The following NUMB variants were observed in gnomAD, a reference collection of about 807,000 sequenced individuals.
NUMB encodes NUMB endocytic adaptor protein.
NUMB carries 29 observed loss-of-function variants against 59.7 expected under a neutral mutation model. The ratio of observed to expected loss-of-function variants is 0.49; its 90% CI spans 0.36 to 0.66. The LOEUF (loss-of-function observed/expected upper bound fraction) is 0.66, where lower values mean the gene tolerates loss of function less well. NUMB is among the 30% of genes least tolerant of loss of function. The pLI is 0.00. For missense variants in NUMB, 723 were observed against 822.0 expected (o/e 0.88, Z 1.47); for synonymous variants, 288 against 288.2 (o/e 1.00, Z 0.01).
intron 1 of NUMB, among the ~76,000 whole-genome samples, chr14:73,437,808 A>G (rs1898121765): frequency 6.6e-6 from 1 of 152,222 alleles, no homozygotes; most frequent in Non-Finnish European, 1.5e-5. Context: ...TCATTTGTAC[A>G]GATTAAGTCA....
At position 73,284,373 on chromosome 14, in the gene NUMB, A is replaced by G. The variant is rs1271141977; in HGVS notation, c.657T>C (p.Ala219=). Residue 219 remains alanine, a splice_region_variant and synonymous_variant, in exon 10 of 13, where the codon GCT becomes GCC. Transcript: ENST00000555238. ...AACCAACGACTATCTTATCTGTTTC[A>G]GCTCAAGAAAATAAAGAGAATGAAG... ...IMKQMQDAKK[A]ETDKIVVGSS... The G allele has an allele frequency of 6.2e-7, 1 of 1,607,508 alleles. No individual in the cohort carries two copies. Among genetic ancestry groups the G allele is most frequent in the African/African-American group, 1.3e-5 (1 of 74,594 alleles).
At chr14:73,362,253 T>C (rs1364069990) in intron 3 of NUMB, among the ~76,000 whole-genome samples, 1 of 151,296 alleles carries the variant, frequency 6.6e-6, no homozygotes, top group Non-Finnish European at 1.5e-5. Flanking sequence ...TGATACCTTG[T>C]CTCAAAAAAA....
At chr14:73,312,417 A>G (rs376140614) in intron 6 of NUMB, among the ~76,000 whole-genome samples, 3 of 152,152 alleles carry the variant, frequency 2.0e-5, no homozygotes, top group East Asian at 1.9e-4. Context: ...CATACAACAC[A>G]TAAGCCATCG....
At chr14:73,387,622 C>A (rs1425133298) in intron 2 of NUMB, among the ~76,000 whole-genome samples, 1 of 151,528 alleles carries the variant, frequency 6.6e-6, no homozygotes, top group East Asian at 1.9e-4. Flanking sequence ...ATTAAAGAGA[C>A]CTCCGGTGAC....
intron 1 of NUMB, among the ~76,000 whole-genome samples, chr14:73,426,132 T>C (rs1389200349): frequency 6.6e-6 from 1 of 151,954 alleles, no homozygotes; most frequent in Admixed American, 6.6e-5. Flanking sequence ...GATGAGAAAA[T>C]GTGGCTTTGA....
chr14:73,333,607 T>C (rs1312558422), intron 4 of NUMB, among the ~76,000 whole-genome samples: 1 of 152,102 alleles, frequency 6.6e-6, no homozygotes, highest in Non-Finnish European at 1.5e-5. Context: ...GATATAAAGG[T>C]TCTTTATATA....
At chr14:73,291,929 C>T (rs1243399551) in intron 8 of NUMB, among the ~76,000 whole-genome samples, 2 of 152,166 alleles carry the variant, frequency 1.3e-5, no homozygotes, top group Non-Finnish European at 2.9e-5. Flanking sequence ...CGTGATCCGC[C>T]TGCCTCGGCC....
At chr14:73,369,174 T>G (rs1262939797) in intron 2 of NUMB, among the ~76,000 whole-genome samples, 1 of 152,020 alleles carries the variant, frequency 6.6e-6, no homozygotes, top group Non-Finnish European at 1.5e-5. Flanking sequence ...CCTGAGTAGC[T>G]GGGATTACAG....
chr14:73,406,687 T>C (rs1595000577), intron 2 of NUMB, among the ~76,000 whole-genome samples: 3 of 152,304 alleles, frequency 2.0e-5, no homozygotes, highest in African/African-American at 7.2e-5. Flanking sequence ...TCCACGATGG[T>C]TGACTAGTTT....
At chr14:73,421,163 G>GT (rs1042056193) in intron 1 of NUMB, among the ~76,000 whole-genome samples, 53 of 151,012 alleles carry the variant, frequency 3.5e-4, no homozygotes, top group Non-Finnish European at 5.3e-4. Context: ...GAAAAGGAAA[G>GT]TTTTTTTTTG....
chr14:73,444,728 G>A (rs1208055388), intron 1 of NUMB, among the ~76,000 whole-genome samples: 1 of 151,834 alleles, frequency 6.6e-6, no homozygotes. Flanking sequence ...GTGGTGGCGT[G>A]CGCCTGTAGT....
At chr14:73,390,638 C>CTTTTTTTTT (rs55831976) in intron 2 of NUMB, among the ~76,000 whole-genome samples, 543 of 39,412 alleles carry the variant, frequency 0.014, 128 homozygotes, top group Non-Finnish European at 0.022. Flanking sequence ...AAAACAAAGT[C>CTTTTTTTTT]TTTTTTTTTT....
chr14:73,398,429 T>A (rs1181016453), intron 2 of NUMB, among the ~76,000 whole-genome samples: 1 of 150,554 alleles, frequency 6.6e-6, no homozygotes, highest in African/African-American at 2.5e-5. Context: ...TGTGTGTGTG[T>A]GTGTGTGTGT....
rs779822190 is a variant in NUMB at position 73,284,141 on chromosome 14, G to A, written c.889C>T (p.Arg297Cys). ...MSPFKRQLSL[R>C]INELPSTMQR... ...ATAGTGGAAGGCAACTCATTGATGC[G>A]TAGGGATAGTTGGCGTTTAAAGGGT... Residue 297 changes from arginine to cysteine, a missense_variant, in exon 10 of 13, where the codon CGC becomes TGC. Arg to Cys is a radical substitution (Grantham distance 180, BLOSUM62 -3). Coordinates refer to ENST00000555238, the MANE Select transcript of NUMB (RefSeq NM_001005743.2). The A allele has an allele frequency of 1.9e-6, 3 of 1,614,164 alleles. No individual in the cohort carries two copies. Among genetic ancestry groups the A allele is most frequent in the South Asian group, 1.1e-5 (1 of 91,080 alleles).
chr14:73,370,978 T>C (rs893305889), intron 2 of NUMB, among the ~76,000 whole-genome samples: 1 of 152,178 alleles, frequency 6.6e-6, no homozygotes, highest in African/African-American at 2.4e-5. Context: ...CGTTCATTTT[T>C]TCTTGAGATG....
At chr14:73,353,802 C>T (rs1464265738) in intron 4 of NUMB, among the ~76,000 whole-genome samples, 6 of 152,032 alleles carry the variant, frequency 3.9e-5, no homozygotes, top group African/African-American at 1.4e-4. Context: ...AACCAATGTG[C>T]CTCCTTCTAC....
intron 6 of NUMB, among the ~76,000 whole-genome samples, chr14:73,308,239 T>C (rs148248357): frequency 6.6e-6 from 1 of 152,148 alleles, no homozygotes; most frequent in East Asian, 1.9e-4. Flanking sequence ...ACAGGAACTG[T>C]TGATGGAGTG....
Position 73,372,321 on chromosome 14 carries a change from A to ATATATATATATAACCTTT in NUMB, c.-100-5341_-100-5340insAAAGGTTATATATATATA, listed in dbSNP as rs1566766481. On this transcript the variant is annotated intron_variant, in intron 2 of 12. Transcript: ENST00000555238. ...ATATTTCTTTTATATATATATATATATATATATATATATATAACCTTTTAT... is the reference window on the plus strand; with the variant it reads ...ATATTTCTTTTATATATATATATATATATATATATATAACCTTTTATATATATATATATAACCTTTTAT... Among the ~76,000 whole-genome samples the ATATATATATATAACCTTT allele has an allele frequency of 9.2e-5, 10 of 108,878 alleles. No individual in the cohort carries two copies. The South Asian group carries it at 1.9e-3, about 21-fold the overall frequency. The allele number at this position is 108,878 out of a possible 152,430, so 71.4% of individuals were successfully genotyped here. A position where few individuals can be genotyped will look rare whatever the true frequency, so the allele number is the denominator to read the frequency against.
chr14:73,337,266 T>C (rs1399864649), intron 4 of NUMB, among the ~76,000 whole-genome samples: 1 of 152,144 alleles, frequency 6.6e-6, no homozygotes, highest in Non-Finnish European at 1.5e-5. Context: ...ATCCCAGCAC[T>C]TTGGGAGGTC....
Sources: gnomAD v4.1 joint callset for allele counts (sites outside exome capture counted in the v4.1 genomes callset) on GRCh38, gnomAD v4.1.1 for gene constraint, MANE v1.5 for transcripts, NCBI Gene and HGNC (gene_info 2026-07-23, HGNC 2026-07-21) for gene names.